Variants in JPH3 observed in about 807,000 individuals in gnomAD.
The protein encoded by JPH3 is junctophilin 3.
JPH3 carries 11 observed loss-of-function variants against 59.6 expected under a neutral mutation model. The observed-to-expected ratio is 0.18, with a 90% CI of 0.12 to 0.31. The LOEUF (loss-of-function observed/expected upper bound fraction) is 0.31. Ranked by LOEUF, JPH3 falls within the 10% of genes least tolerant of loss-of-function variation. JPH3 has a pLI of 1.00. For synonymous variants in JPH3, 673 were observed against 483.6 expected (o/e 1.39, Z -5.14); for missense variants, 1,202 against 1,105.7 (o/e 1.09, Z -1.24).
chr16:87,693,512 TA>T (rs1289630096), intron 4 of JPH3: 1 of 152,170 alleles, frequency 6.6e-6, no homozygotes, highest in Non-Finnish European at 1.5e-5. Context: ...TGTCTCCACT[TA>T]AAAATACAAA....
intron 1 of JPH3, among the ~76,000 whole-genome samples, chr16:87,643,404 A>G (rs1370542400): frequency 1.4e-5 from 2 of 145,594 alleles, no homozygotes; most frequent in African/African-American, 5.2e-5. Flanking sequence ...TGGGGATATC[A>G]GGTCTGCTGA....
At chr16:87,633,526 G>A (rs2031633063) in intron 1 of JPH3, among the ~76,000 whole-genome samples, 1 of 151,934 alleles carries the variant, frequency 6.6e-6, no homozygotes, top group African/African-American at 2.4e-5. Flanking sequence ...GATGGGCGGG[G>A]CGCGGTGGCT....
At chr16:87,695,029 T>C (rs1395840924) in intron 4 of JPH3, 3 of 329,864 alleles carry the variant, frequency 9.1e-6, no homozygotes, top group African/African-American at 2.2e-5. Context: ...ACACAAGGTT[T>C]TGAGTGGAGG....
chr16:87,695,605 C>T, intron 4 of JPH3: 1 of 455,996 alleles, frequency 2.2e-6, no homozygotes, highest in Non-Finnish European at 4.4e-6. Flanking sequence ...GGTGTCCCAG[C>T]CATTCCTGGG....
Position 87,645,054 on chromosome 16 carries a change from G to C in JPH3, c.1160+19G>C, listed in dbSNP as rs117025123. Reference sequence around the variant, plus strand: ...CTTCCAGGTAGGAGGGCGAGGGGGCGGGGGGCCCTTCTTGGTGCCCAGAAG... The same window carrying C: ...CTTCCAGGTAGGAGGGCGAGGGGGCCGGGGGCCCTTCTTGGTGCCCAGAAG... On this transcript the variant is annotated intron_variant, in intron 2 of 4. Coordinates refer to ENST00000284262, the MANE Select transcript of JPH3 (RefSeq NM_020655.4). The C allele has an allele frequency of 6.3e-7, 1 of 1,586,454 alleles. No homozygotes were observed. The highest frequency in any genetic ancestry group is 8.5e-7 in the Non-Finnish European group (1 of 1,172,802).
At position 87,607,420 on chromosome 16, in the gene JPH3, G is replaced by A. The variant is rs759153434; in HGVS notation, c.382+3892G>A. ...ACACAAATCACACACACCCACAGTC[G>A]GAATTCAGATCCCCCCAGGCGCCTG... On this transcript the variant is annotated intron_variant, in intron 1 of 4. Coordinates refer to ENST00000284262, the MANE Select transcript of JPH3 (RefSeq NM_020655.4). Among the ~76,000 whole-genome samples the A allele has an allele frequency of 5.3e-5, 8 of 152,226 alleles. 1 individual carries two copies. The Middle Eastern group carries it at 0.01, about 194-fold the overall frequency.
intron 3 of JPH3, 83 bp downstream of exon 3, chr16:87,684,349 C>T (rs2033366661): frequency 1.9e-6 from 3 of 1,551,668 alleles, no homozygotes; most frequent in Non-Finnish European, 2.6e-6. Flanking sequence ...GATGTGTCCT[C>T]CAGAGCGGGT....
intron 1 of JPH3, among the ~76,000 whole-genome samples, chr16:87,623,259 C>T (rs553905812): frequency 3.7e-4 from 56 of 152,194 alleles, no homozygotes; most frequent in Non-Finnish European, 6.5e-4. Context: ...GGCTGACACT[C>T]GGAGCCAGTA....
intron 1 of JPH3, among the ~76,000 whole-genome samples, chr16:87,636,145 G>C (rs979054424): frequency 1.3e-5 from 2 of 152,196 alleles, no homozygotes; most frequent in Admixed American, 6.5e-5. Flanking sequence ...AGTTAGGTTC[G>C]ATGGGACAGG....
chr16:87,687,047 G>A (rs926338191), intron 3 of JPH3, among the ~76,000 whole-genome samples: 24 of 152,210 alleles, frequency 1.6e-4, no homozygotes, highest in African/African-American at 4.3e-4. Context: ...CGTTGGGACC[G>A]TGTGTTTTTT....
At chr16:87,680,586 G>A (rs184050358) in intron 2 of JPH3, among the ~76,000 whole-genome samples, 79 of 152,366 alleles carry the variant, frequency 5.2e-4, no homozygotes, top group African/African-American at 1.8e-3. Context: ...AGGCACTACG[G>A]AGCCATGGTG....
intron 2 of JPH3, among the ~76,000 whole-genome samples, chr16:87,665,717 C>T (rs2032840002): frequency 6.6e-6 from 1 of 152,322 alleles, no homozygotes; most frequent in East Asian, 1.9e-4. Context: ...CTAGAACTGC[C>T]CCCTCTTCCT....
intron 4 of JPH3, among the ~76,000 whole-genome samples, chr16:87,691,052 C>T (rs539152300): frequency 2.0e-5 from 3 of 151,860 alleles, no homozygotes; most frequent in South Asian, 2.1e-4. Context: ...ACGTGAGGCC[C>T]GCTGTGTGCA....
intron 1 of JPH3, among the ~76,000 whole-genome samples, chr16:87,636,450 C>T (rs575196714): frequency 5.9e-5 from 9 of 152,170 alleles, no homozygotes; most frequent in East Asian, 1.9e-4. Context: ...CAGTGGCTGT[C>T]GCTTTATTGA....
At chr16:87,626,446 C>A (rs897045089) in intron 1 of JPH3, among the ~76,000 whole-genome samples, 2 of 152,230 alleles carry the variant, frequency 1.3e-5, no homozygotes, top group Non-Finnish European at 2.9e-5. Flanking sequence ...GAGCCCAGTG[C>A]CCAGGAGACC....
intron 1 of JPH3, among the ~76,000 whole-genome samples, chr16:87,632,291 C>A (rs1236285197): frequency 6.6e-6 from 1 of 152,200 alleles, no homozygotes; most frequent in Admixed American, 6.5e-5. Flanking sequence ...AGAGCACTTC[C>A]CTGGCAGTCC....
At chr16:87,629,723 G>A (rs926716975) in intron 1 of JPH3, among the ~76,000 whole-genome samples, 3 of 152,138 alleles carry the variant, frequency 2.0e-5, no homozygotes, top group African/African-American at 7.2e-5. Context: ...CGGGGGATTT[G>A]TAGGGCAGTC....
intron 2 of JPH3, 199 bp from the exon 3 acceptor site, chr16:87,683,943 G>C: frequency 1.7e-6 from 1 of 585,656 alleles, no homozygotes; most frequent in Non-Finnish European, 3.1e-6. Flanking sequence ...CACTGGGCCT[G>C]GTTGGTTGAT....
In JPH3 at chr16:87,611,323, G is replaced by A. The variant is rs963458909; in HGVS notation, c.382+7795G>A. Among the ~76,000 whole-genome samples the A allele has an allele frequency of 2.6e-5, 4 of 152,162 alleles. No individual in the cohort carries two copies. The highest frequency in any genetic ancestry group is 4.4e-5 in the Non-Finnish European group (3 of 68,022). Reference sequence around the variant, plus strand: ...CAGGTGTGTGTGTCCCTGAAGGAGCGGCAGAGGCTTCTGGGGGTAGGCAGT... The same window carrying A: ...CAGGTGTGTGTGTCCCTGAAGGAGCAGCAGAGGCTTCTGGGGGTAGGCAGT... On this transcript the variant is annotated intron_variant, in intron 1 of 4. Coordinates refer to ENST00000284262, the MANE Select transcript of JPH3 (RefSeq NM_020655.4). The surrounding 1 kb of genome is among the most constrained non-coding windows in gnomAD (Gnocchi z 4.5).
Sources: gnomAD v4.1 joint callset for allele counts (sites outside exome capture counted in the v4.1 genomes callset) on GRCh38, gnomAD v4.1.1 for gene constraint, Gnocchi (gnomAD v3.1) non-coding constraint, MANE v1.5 for transcripts, NCBI Gene and HGNC (gene_info 2026-07-23, HGNC 2026-07-21) for gene names.